PRKN: variants seen among roughly 807,000 people sequenced by gnomAD.
PRKN encodes E3 ubiquitin-protein ligase parkin.
A neutral mutation model predicts 59.5 loss-of-function variants in PRKN; 56 were observed. The ratio of observed to expected loss-of-function variants is 0.94; its 90% CI spans 0.76 to 1.18. The LOEUF (loss-of-function observed/expected upper bound fraction) is 1.18. Ranked by LOEUF, PRKN falls within the 50% of genes most tolerant of loss-of-function variation. The pLI is 0.00. For synonymous variants in PRKN, 250 were observed against 222.1 expected, an observed-to-expected ratio of 1.13 and a Z score of -1.12; for missense variants, 657 against 596.4, an observed-to-expected ratio of 1.10 and a Z score of -1.06.
intron 4 of PRKN, among the ~76,000 whole-genome samples, chr6:162,105,212 A>G (rs931744175): frequency 1.3e-5 from 2 of 152,202 alleles, no homozygotes; most frequent in African/African-American, 2.4e-5. Context: ...AAACCTACAT[A>G]TGAAACAAAT....
intron 2 of PRKN, among the ~76,000 whole-genome samples, chr6:162,412,843 T>C (rs905882775): frequency 7.2e-5 from 11 of 152,170 alleles, no homozygotes; most frequent in African/African-American, 2.4e-4. Context: ...TACTTTTGTA[T>C]AGATGGGATA....
At chr6:162,181,917 C>T (rs1783819250) in intron 4 of PRKN, among the ~76,000 whole-genome samples, 2 of 152,096 alleles carry the variant, frequency 1.3e-5, no homozygotes, top group African/African-American at 4.8e-5. Context: ...AACTTGGTTA[C>T]CTTATCAAAA....
intron 7 of PRKN, among the ~76,000 whole-genome samples, chr6:161,680,775 A>ATATATTTTT (rs1216235673): frequency 2.0e-4 from 6 of 30,616 alleles, no homozygotes; most frequent in African/African-American, 2.3e-4. Context: ...ATATATATAT[A>ATATATTTTT]TTTTTTTTTT....
At chr6:161,505,187 T>C (rs1273185609) in intron 9 of PRKN, among the ~76,000 whole-genome samples, 1 of 152,212 alleles carries the variant, frequency 6.6e-6, no homozygotes, top group Admixed American at 6.5e-5. Flanking sequence ...CAAGCATCTG[T>C]TGTTTCCTGA....
chr6:162,175,008 T>G (rs1783466657), intron 4 of PRKN, among the ~76,000 whole-genome samples: 1 of 152,210 alleles, frequency 6.6e-6, no homozygotes, highest in African/African-American at 2.4e-5. Flanking sequence ...CCCCACCCTG[T>G]GAGGCTCTAC....
At chr6:161,714,532 A>T (rs6931881) in intron 7 of PRKN, among the ~76,000 whole-genome samples, 3,681 of 152,276 alleles carry the variant, frequency 0.024, 171 homozygotes, top group African/African-American at 0.085. Flanking sequence ...TCCAGAGCTC[A>T]GGGTGATAAA....
chr6:161,872,764 C>T (rs758619689), intron 6 of PRKN, among the ~76,000 whole-genome samples: 10 of 152,080 alleles, frequency 6.6e-5, no homozygotes, highest in African/African-American at 1.2e-4. Context: ...CACCTGAGCC[C>T]TCTGCCTCAG....
chr6:161,723,082 T>A (rs1787292656), intron 7 of PRKN, among the ~76,000 whole-genome samples: 1 of 152,082 alleles, frequency 6.6e-6, no homozygotes, highest in Admixed American at 6.5e-5. Context: ...CAGCTTGACC[T>A]ACATAGTGAA....
chr6:162,239,452 G>A (rs1158386545), intron 3 of PRKN, among the ~76,000 whole-genome samples: 8 of 151,940 alleles, frequency 5.3e-5, no homozygotes, highest in Admixed American at 3.9e-4. Flanking sequence ...CCATTTTATA[G>A]ATGATTAAAT....
intron 1 of PRKN, among the ~76,000 whole-genome samples, chr6:162,461,626 G>T (rs533367758): frequency 7.9e-5 from 12 of 151,264 alleles, no homozygotes; most frequent in African/African-American, 2.9e-4. Context: ...TTCAAGACCA[G>T]CCTGGCCAAC....
intron 4 of PRKN, among the ~76,000 whole-genome samples, chr6:162,122,590 T>C (rs1780958754): frequency 6.6e-6 from 1 of 152,146 alleles, no homozygotes; most frequent in South Asian, 2.1e-4. Flanking sequence ...ATCATGTCTG[T>C]TGATTTTTCT....
intron 7 of PRKN, among the ~76,000 whole-genome samples, chr6:161,570,064 A>C (rs73782940): frequency 0.016 from 2,306 of 147,982 alleles, 54 homozygotes; most frequent in African/African-American, 0.055. Flanking sequence ...CAATCAATCC[A>C]AGCTCCTTCA....
chr6:161,476,018 C>G (rs1049271774), intron 9 of PRKN, among the ~76,000 whole-genome samples: 4 of 151,920 alleles, frequency 2.6e-5, no homozygotes, highest in African/African-American at 9.7e-5. Context: ...AAGCCTGTCT[C>G]TACTAAAAAT....
rs116323866 is a variant in PRKN, at chr6:162,231,525, G to A, written c.413-30273C>T. 3.9e-3 allele frequency among the ~76,000 whole-genome samples: 589 copies of A among 152,272 alleles called. 2 individuals carry two copies. Among genetic ancestry groups the A allele is most frequent in the African/African-American group, 9.7e-3 (404 of 41,560 alleles). The stretch of plus-strand genomic sequence containing the variant: ...ACTGAGAACTGCAACAAAGTGATAA[G>A]GTGTGAGAGGGAATCCTGGAAAGAC... On this transcript the variant is annotated intron_variant, in intron 3 of 11. Coordinates refer to ENST00000366898, the MANE Select transcript of PRKN (RefSeq NM_004562.3).
At chr6:162,412,571 CT>C (rs1788404643) in intron 2 of PRKN, among the ~76,000 whole-genome samples, 1 of 152,022 alleles carries the variant, frequency 6.6e-6, no homozygotes, top group Admixed American at 6.6e-5. Flanking sequence ...AAAGTTCCAT[CT>C]TCTTGGTTTT....
chr6:162,694,891 G>A (rs1289877802), intron 1 of PRKN: 1 of 152,144 alleles, frequency 6.6e-6, no homozygotes, highest in African/African-American at 2.4e-5. Flanking sequence ...ATCTACATTC[G>A]TGTTTATACT....
chr6:162,028,208 C>T (rs773420704), intron 5 of PRKN, among the ~76,000 whole-genome samples: 2 of 152,124 alleles, frequency 1.3e-5, no homozygotes, highest in South Asian at 2.1e-4. Flanking sequence ...AAAGTGTGTG[C>T]GTGTTTTTAA....
At position 161,727,712 on chromosome 6, in the gene PRKN, C is replaced by A. The variant is rs1429193662; in HGVS notation, c.871+58060G>T. 8.5e-5 allele frequency among the ~76,000 whole-genome samples: 13 copies of A among 152,140 alleles called. No individual in the cohort carries two copies. The East Asian group carries it at 2.5e-3, about 29-fold the overall frequency. On this transcript the variant is annotated intron_variant, in intron 7 of 11. Coordinates refer to ENST00000366898, the MANE Select transcript of PRKN (RefSeq NM_004562.3). ...GCAACTTAACACACAGGCATCAGAA[C>A]ACAGGACATTGCATTAGCTGTTATT...
chr6:162,226,157 C>G (rs1007646934), intron 3 of PRKN, among the ~76,000 whole-genome samples: 1 of 150,410 alleles, frequency 6.6e-6, no homozygotes, highest in Non-Finnish European at 1.5e-5. Flanking sequence ...CAGTGCTTAC[C>G]CTAAGAAAGA....
Sources: gnomAD v4.1 joint callset for allele counts (sites outside exome capture counted in the v4.1 genomes callset) on GRCh38, gnomAD v4.1.1 for gene constraint, MANE v1.5 for transcripts, NCBI Gene and HGNC (gene_info 2026-07-23, HGNC 2026-07-21) for gene names.